Variants in HS3ST4 observed in about 807,000 individuals in gnomAD.
HS3ST4 encodes heparan sulfate-glucosamine 3-sulfotransferase 4.
A neutral mutation model predicts 29.2 loss-of-function variants in HS3ST4; 17 were observed. The observed-to-expected ratio is 0.58, with a 90% CI of 0.40 to 0.87. HS3ST4 has a LOEUF of 0.87. Among genes scored for constraint, HS3ST4 ranks in the 40% least tolerant of loss-of-function variants. The pLI is 0.00. For missense variants in HS3ST4, 627 were observed against 634.5 expected (o/e 0.99, Z 0.13); for synonymous variants, 314 against 285.7 (o/e 1.10, Z -1.00).
intron 1 of HS3ST4, among the ~76,000 whole-genome samples, chr16:25,963,645 A>G (rs1395475993): frequency 6.6e-6 from 1 of 152,224 alleles, no homozygotes; most frequent in East Asian, 1.9e-4. Flanking sequence ...TACTCTCATC[A>G]TCAAATAATT....
chr16:25,994,485 C>T (rs112135851), intron 1 of HS3ST4, among the ~76,000 whole-genome samples: 1 of 152,076 alleles, frequency 6.6e-6, no homozygotes, highest in Non-Finnish European at 1.5e-5. Context: ...TTATGAGTCA[C>T]CATTTTTATC....
chr16:26,032,985 G>A (rs1969545860), intron 1 of HS3ST4, among the ~76,000 whole-genome samples: 1 of 152,116 alleles, frequency 6.6e-6, no homozygotes, highest in Non-Finnish European at 1.5e-5. Flanking sequence ...TTAGGAAAAA[G>A]TGGCCCTAGC....
chr16:26,002,112 A>G (rs1452217006), intron 1 of HS3ST4, among the ~76,000 whole-genome samples: 1 of 152,202 alleles, frequency 6.6e-6, no homozygotes, highest in Non-Finnish European at 1.5e-5. Flanking sequence ...ATGGAAGAGA[A>G]TGAATTGTTT....
At chr16:25,711,431 G>A (rs554707321) in intron 1 of HS3ST4, among the ~76,000 whole-genome samples, 308 of 152,258 alleles carry the variant, frequency 2.0e-3, no homozygotes, top group African/African-American at 6.9e-3. Context: ...AGGAGGGAAA[G>A]CAGTGCTTCT....
chr16:25,799,588 A>G (rs761387651), intron 1 of HS3ST4, among the ~76,000 whole-genome samples: 8 of 152,158 alleles, frequency 5.3e-5, no homozygotes, highest in Non-Finnish European at 1.2e-4. Flanking sequence ...GTTATTACCA[A>G]TGTGAACTCT....
In HS3ST4 at chr16:25,692,837, C is replaced by G; in HGVS notation, c.420C>G (p.Leu140=). 4.2e-6 allele frequency: 6 copies of G among 1,414,374 alleles called. No individual in the cohort carries two copies. The highest frequency in any genetic ancestry group is 5.5e-6 in the Non-Finnish European group (6 of 1,089,202). The allele number at this position is 1,414,374 out of a possible 1,614,324, so 87.6% of individuals were successfully genotyped here. A position where few individuals can be genotyped will look rare whatever the true frequency, so the allele number is the denominator to read the frequency against. Residue 140 remains leucine, a synonymous_variant, in exon 1 of 2, where the codon CTC becomes CTG. Transcript: ENST00000331351. ...GCGGAGGCGCCCAGGACGCCTGGCT[C>G]CGGACCCCGCTGGCCCCCAGCGAGA... is the stretch of plus-strand genomic sequence containing the variant. ...SGGGGAQDAW[L]RTPLAPSEMI...
intron 1 of HS3ST4, among the ~76,000 whole-genome samples, chr16:25,728,423 C>A (rs1966550976): frequency 6.6e-6 from 1 of 152,118 alleles, no homozygotes; most frequent in African/African-American, 2.4e-5. Flanking sequence ...TTTTGATTTG[C>A]AAAGAACATA....
intron 1 of HS3ST4, among the ~76,000 whole-genome samples, chr16:25,746,205 A>C (rs1262115338): frequency 6.6e-6 from 1 of 152,232 alleles, no homozygotes; most frequent in African/African-American, 2.4e-5. Context: ...TTTAATTGAA[A>C]GTACTTGGAA....
chr16:25,741,345 G>A, intron 1 of HS3ST4, among the ~76,000 whole-genome samples: 1 of 116,408 alleles, frequency 8.6e-6, no homozygotes, highest in African/African-American at 3.3e-5. Flanking sequence ...ATTTCTTAAA[G>A]GATGAGTTTG....
intron 1 of HS3ST4, among the ~76,000 whole-genome samples, chr16:26,004,769 G>A (rs1468456565): frequency 6.6e-6 from 1 of 152,198 alleles, no homozygotes; most frequent in Admixed American, 6.5e-5. Context: ...AATGTATGAT[G>A]TGGCACATCA....
At chr16:25,695,242 A>C (rs1274346520) in intron 1 of HS3ST4, among the ~76,000 whole-genome samples, 1 of 152,166 alleles carries the variant, frequency 6.6e-6, no homozygotes, top group East Asian at 1.9e-4. Context: ...GTCCTCACTT[A>C]AGGGGACCAT....
intron 1 of HS3ST4, among the ~76,000 whole-genome samples, chr16:25,920,407 A>C (rs116421319): frequency 0.028 from 4,315 of 152,110 alleles, 229 homozygotes; most frequent in African/African-American, 0.1. Context: ...TTTTGAAGTC[A>C]ATTTATCTTT....
At chr16:26,036,705 A>G (rs1158206659) in intron 1 of HS3ST4, among the ~76,000 whole-genome samples, 1 of 152,210 alleles carries the variant, frequency 6.6e-6, no homozygotes, top group African/African-American at 2.4e-5. Flanking sequence ...AAAAGCTTCC[A>G]GTTTTCTGCA....
Position 25,907,121 on chromosome 16 carries a change from G to A in HS3ST4, c.734+213970G>A, listed in dbSNP as rs553221692. Among the ~76,000 whole-genome samples the A allele has an allele frequency of 2.2e-4, 33 of 152,268 alleles. No individual in the cohort carries two copies. The East Asian group carries it at 5.2e-3, about 24-fold the overall frequency. The stretch of plus-strand genomic sequence containing the variant: ...TAGAGGCACAAACTCACTTGAGCTC[G>A]TGAGTTTGTGGTTACAGTGAGCTAT... On this transcript the variant is annotated intron_variant, in intron 1 of 1. Coordinates refer to ENST00000331351, the MANE Select transcript of HS3ST4 (RefSeq NM_006040.3).
intron 1 of HS3ST4, among the ~76,000 whole-genome samples, chr16:26,126,585 TC>T (rs1899346950): frequency 6.6e-6 from 1 of 152,202 alleles, no homozygotes; most frequent in Non-Finnish European, 1.5e-5. Context: ...TAGATTCAAA[TC>T]AAGGCAGTTT....
intron 1 of HS3ST4, among the ~76,000 whole-genome samples, chr16:25,864,898 A>G (rs749448051): frequency 6.6e-6 from 1 of 150,852 alleles, no homozygotes. Context: ...ATATATATAT[A>G]GAATATATAT....
intron 1 of HS3ST4, among the ~76,000 whole-genome samples, chr16:25,954,608 C>G (rs915965055): frequency 6.6e-6 from 1 of 152,166 alleles, no homozygotes; most frequent in Non-Finnish European, 1.5e-5. Flanking sequence ...ATTTAGAAAT[C>G]TTATTTTATA....
chr16:26,113,470 A>ATGTGGG (rs1899161466), intron 1 of HS3ST4, among the ~76,000 whole-genome samples: 1 of 132,158 alleles, frequency 7.6e-6, no homozygotes, highest in Non-Finnish European at 1.6e-5. Flanking sequence ...ACAATATATG[A>ATGTGGG]TGTGTGTGTG....
chr16:25,941,403 CCCA>C (rs1348607537), intron 1 of HS3ST4, among the ~76,000 whole-genome samples: 1 of 148,214 alleles, frequency 6.7e-6, no homozygotes, highest in Non-Finnish European at 1.5e-5. Flanking sequence ...GGTGATCTGC[CCCA>C]CCTTGGCCAC....
Sources: gnomAD v4.1 joint callset for allele counts (sites outside exome capture counted in the v4.1 genomes callset) on GRCh38, gnomAD v4.1.1 for gene constraint, MANE v1.5 for transcripts, NCBI Gene and HGNC (gene_info 2026-07-23, HGNC 2026-07-21) for gene names.